The following RUNDC3B variants were observed in gnomAD, a reference collection of about 807,000 sequenced individuals.
RUNDC3B encodes the protein RUN domain-containing protein 3B.
A neutral mutation model predicts 58.4 loss-of-function variants in RUNDC3B; 33 were observed. The observed-to-expected ratio is 0.56, with a 90% CI of 0.43 to 0.75. The LOEUF (loss-of-function observed/expected upper bound fraction) is 0.75. Among genes scored for constraint, RUNDC3B ranks in the 30% least tolerant of loss-of-function variants. RUNDC3B has a pLI of 0.00. For missense variants in RUNDC3B, 501 were observed against 535.7 expected (o/e 0.94, Z 0.64); for synonymous variants, 193 against 195.2 (o/e 0.99, Z 0.10).
Position 87,671,559 on chromosome 7 carries a change from C to T in RUNDC3B, c.238+20622C>T, listed in dbSNP as rs897135025. Among the ~76,000 whole-genome samples, 5 of 152,208 alleles carry T rather than the reference C, an allele frequency of 3.3e-5. No homozygotes were observed. In the East Asian group the frequency reaches 5.8e-4, roughly 18 times the overall value. On this transcript the variant is annotated intron_variant, in intron 2 of 10. Coordinates refer to ENST00000394654, the MANE Select transcript of RUNDC3B (RefSeq NM_001134405.2). Reference sequence around the variant, plus strand: ...ACCTGGAGGTATCACCAGTGAAGGCCGCAAAACAGCAAAGATGAGAGCCTG... The same window carrying T: ...ACCTGGAGGTATCACCAGTGAAGGCTGCAAAACAGCAAAGATGAGAGCCTG...
chr7:87,639,604 T>A (rs1294961750), intron 1 of RUNDC3B, among the ~76,000 whole-genome samples: 2 of 152,186 alleles, frequency 1.3e-5, no homozygotes, highest in Non-Finnish European at 2.9e-5. Context: ...TGTGGTCTCT[T>A]CCTAGTAGTT....
chr7:87,809,849 A>C (rs147953416), intron 9 of RUNDC3B, among the ~76,000 whole-genome samples: 36 of 152,278 alleles, frequency 2.4e-4, no homozygotes, highest in African/African-American at 8.2e-4. Context: ...TTCTCCCTTC[A>C]AACTTTTAAT....
intron 8 of RUNDC3B, among the ~76,000 whole-genome samples, chr7:87,801,377 T>C (rs73200339): frequency 6.6e-6 from 1 of 152,326 alleles, no homozygotes; most frequent in Non-Finnish European, 1.5e-5. Flanking sequence ...TCAAGTACTA[T>C]TTGAAGCAAA....
chr7:87,646,440 AT>A (rs1191859785), intron 1 of RUNDC3B, among the ~76,000 whole-genome samples: 1 of 152,138 alleles, frequency 6.6e-6, no homozygotes, highest in East Asian at 1.9e-4. Context: ...CACTTTGTTA[AT>A]TTTGTTTTCA....
intron 2 of RUNDC3B, among the ~76,000 whole-genome samples, chr7:87,679,678 C>G (rs1200482968): frequency 6.6e-6 from 1 of 150,486 alleles, no homozygotes; most frequent in African/African-American, 2.5e-5. Context: ...GTGTGAACCA[C>G]TGTGCCTGGC....
chr7:87,653,510 G>C (rs964675003), intron 2 of RUNDC3B, among the ~76,000 whole-genome samples: 3 of 151,940 alleles, frequency 2.0e-5, no homozygotes, highest in Non-Finnish European at 4.4e-5. Context: ...TCTAACAGGG[G>C]GACATATAGT....
intron 8 of RUNDC3B, among the ~76,000 whole-genome samples, chr7:87,802,768 G>T (rs899201835): frequency 6.6e-6 from 1 of 152,132 alleles, no homozygotes; most frequent in African/African-American, 2.4e-5. Context: ...ACTTTAGGAG[G>T]CCTAGGTAGG....
intron 2 of RUNDC3B, among the ~76,000 whole-genome samples, chr7:87,692,614 T>G (rs1341189273): frequency 1.3e-5 from 2 of 152,212 alleles, no homozygotes; most frequent in Non-Finnish European, 2.9e-5. Flanking sequence ...TTAAGTCAGA[T>G]TTTCATGGAA....
At chr7:87,727,242 A>C (rs1831290481) in intron 4 of RUNDC3B, among the ~76,000 whole-genome samples, 2 of 152,100 alleles carry the variant, frequency 1.3e-5, no homozygotes, top group African/African-American at 4.8e-5. Flanking sequence ...AATATCTCTT[A>C]TTATTTTGAG....
At chr7:87,825,023 A>G (rs1286718242) in intron 10 of RUNDC3B, among the ~76,000 whole-genome samples, 2 of 151,772 alleles carry the variant, frequency 1.3e-5, no homozygotes, top group African/African-American at 4.8e-5. Context: ...AAAAGAAAAT[A>G]CCTCCTGCAC....
intron 2 of RUNDC3B, among the ~76,000 whole-genome samples, chr7:87,669,809 C>T (rs1423549266): frequency 6.6e-6 from 1 of 152,168 alleles, no homozygotes; most frequent in Non-Finnish European, 1.5e-5. Context: ...CCAATCTCTT[C>T]TGGCTTGTAG....
intron 4 of RUNDC3B, among the ~76,000 whole-genome samples, chr7:87,723,814 C>A (rs1458998784): frequency 4.0e-5 from 6 of 151,398 alleles, no homozygotes; most frequent in African/African-American, 1.5e-4. Context: ...AAATATTTGA[C>A]AAAAATCAGC....
chr7:87,762,203 T>C (rs1833729879), intron 6 of RUNDC3B, among the ~76,000 whole-genome samples: 1 of 151,694 alleles, frequency 6.6e-6, no homozygotes, highest in African/African-American at 2.4e-5. Context: ...TCACATGCTT[T>C]TTCTGCATCT....
intron 2 of RUNDC3B, among the ~76,000 whole-genome samples, chr7:87,671,074 GAGAGATAT>G (rs1825780411): frequency 1.3e-5 from 2 of 152,160 alleles, no homozygotes; most frequent in Non-Finnish European, 2.9e-5. Flanking sequence ...CTCCAACCCA[GAGAGATAT>G]AGGTCAGCAG....
At chr7:87,774,700 G>A (rs576359859) in intron 7 of RUNDC3B, among the ~76,000 whole-genome samples, 9 of 151,576 alleles carry the variant, frequency 5.9e-5, no homozygotes, top group South Asian at 2.1e-4. Flanking sequence ...CCAATCCCCC[G>A]CCAAAAAAAA....
intron 2 of RUNDC3B, among the ~76,000 whole-genome samples, chr7:87,652,621 G>GAGATATATATATATATAT (rs374832268): frequency 5.1e-4 from 64 of 125,374 alleles, no homozygotes; most frequent in African/African-American, 2.0e-3. Context: ...TGTGGTCACT[G>GAGATATATATATATATAT]ATATATATAT....
chr7:87,815,091 C>T (rs1281428775), intron 9 of RUNDC3B, among the ~76,000 whole-genome samples: 1 of 151,962 alleles, frequency 6.6e-6, no homozygotes, highest in Admixed American at 6.6e-5. Flanking sequence ...CTTTCCCCCC[C>T]TTCCTCCCCA....
chr7:87,808,646 T>C (rs1454981263), intron 9 of RUNDC3B, among the ~76,000 whole-genome samples: 1 of 152,114 alleles, frequency 6.6e-6, no homozygotes, highest in South Asian at 2.1e-4. Context: ...TACTAAACCA[T>C]ACTTCTTAGT....
At chr7:87,715,283 ATAAT>A (rs1264407183) in intron 4 of RUNDC3B, among the ~76,000 whole-genome samples, 1 of 130,270 alleles carries the variant, frequency 7.7e-6, no homozygotes, top group Non-Finnish European at 1.6e-5. Context: ...ATAATTATAT[ATAAT>A]TAATTTATAA....
Sources: gnomAD v4.1 joint callset for allele counts (sites outside exome capture counted in the v4.1 genomes callset) on GRCh38, gnomAD v4.1.1 for gene constraint, MANE v1.5 for transcripts, NCBI Gene and HGNC (gene_info 2026-07-23, HGNC 2026-07-21) for gene names.